Variants in NBR1 observed in about 807,000 individuals in gnomAD.
NBR1 encodes the protein NBR1 autophagy cargo receptor.
A neutral mutation model predicts 115.5 loss-of-function variants in NBR1; 59 were observed. The observed-to-expected ratio is 0.51, with a 90% CI of 0.41 to 0.63. The LOEUF (loss-of-function observed/expected upper bound fraction) is 0.63. Among genes scored for constraint, NBR1 ranks in the 30% least tolerant of loss-of-function variants. The pLI, the probability that NBR1 is intolerant of heterozygous loss-of-function variation, is 0.00. For synonymous variants in NBR1, 373 were observed against 414.7 expected (o/e 0.90, Z 1.22); for missense variants, 1,043 against 1,150.5 (o/e 0.91, Z 1.35).
intron 20 of NBR1, among the ~76,000 whole-genome samples, chr17:43,209,011 G>A (rs1213249636): frequency 6.6e-6 from 1 of 151,328 alleles, no homozygotes; most frequent in Non-Finnish European, 1.5e-5. Flanking sequence ...AGCGTTTAAG[G>A]ATTTAGGAAG....
chr17:43,210,144 A>G lies in NBR1; in HGVS notation c.*70A>G. On this transcript the variant is annotated 3_prime_UTR_variant, in exon 21 of 21. Coordinates refer to ENST00000590996, the MANE Select transcript of NBR1 (RefSeq NM_005899.5). ...CTTTATTCTGTCATTGGGGTATGGG[A>G]TAGAAGCCCTTGCTTATTTTTAATC... 4 of 1,441,382 alleles carry G rather than the reference A, an allele frequency of 2.8e-6. No individual in the cohort carries two copies. The highest frequency in any genetic ancestry group is 2.1e-4 in the Middle Eastern group (1 of 4,838). The allele number at this position is 1,441,382 out of a possible 1,614,324, so 89.3% of individuals were successfully genotyped here.
In NBR1 at chr17:43,189,135, C is replaced by T. The variant is rs753511716; in HGVS notation, c.480+16C>T. ...CCTGGAGACGGTGAGTGTTCTGTCT[C>T]GCTTGGGTTTTAACTGCGGTGTTGG... On this transcript the variant is annotated intron_variant, in intron 7 of 20. Transcript: ENST00000590996. The T allele has an allele frequency of 2.2e-5, 35 of 1,587,322 alleles. No homozygotes were observed. The highest frequency in any genetic ancestry group is 2.6e-5 in the Non-Finnish European group (30 of 1,155,838).
chr17:43,188,896 C>T (rs1355143332), intron 6 of NBR1, 146 bp from the exon 7 acceptor site: 4 of 578,440 alleles, frequency 6.9e-6, no homozygotes, highest in East Asian at 2.8e-5. Flanking sequence ...CTTTGTTTTC[C>T]TTTAGTACGC....
chr17:43,196,382 C>T lies in NBR1; in HGVS notation c.1751-99C>T, dbSNP rs972453431. 63 of 696,690 alleles carry T rather than the reference C, an allele frequency of 9.0e-5. 2 individuals carry two copies. Among genetic ancestry groups the T allele is most frequent in the East Asian group, 5.5e-4 (17 of 31,100 alleles). The allele number at this position is 696,690 out of a possible 1,614,324, so 43.2% of individuals were successfully genotyped here. A position where few individuals can be genotyped will look rare whatever the true frequency, so the allele number is the denominator to read the frequency against. Reference sequence around the variant, plus strand: ...CATATCTTGGTTTATTTTAGCCCTGCGGGAGGCAAGAAGCCTACAAACTGC... The same window carrying T: ...CATATCTTGGTTTATTTTAGCCCTGTGGGAGGCAAGAAGCCTACAAACTGC... On this transcript the variant is annotated intron_variant, in intron 14 of 20. Coordinates refer to ENST00000590996, the MANE Select transcript of NBR1 (RefSeq NM_005899.5).
In NBR1 at chr17:43,200,324, C is replaced by T. The variant is rs1323643976; in HGVS notation, c.2184C>T (p.Ser728=). ...KDEVQSQSSA[S]SEDYIIILPE... ...AAGTTCAAAGTCAGTCCTCTGCTTC[C>T]TCAGAGGATTACATCATCATCCTGC... The change falls in exon 17 of 21, where the codon TCC becomes TCT. Residue 728 remains serine (S), a synonymous_variant. Transcript: ENST00000590996. 1 of 1,552,658 alleles carries T rather than the reference C, an allele frequency of 6.4e-7. No homozygotes were observed. The highest frequency in any genetic ancestry group is 1.2e-5 in the South Asian group (1 of 84,120).
chr17:43,192,186 A>G (rs1289093526), intron 10 of NBR1, among the ~76,000 whole-genome samples: 10 of 148,074 alleles, frequency 6.8e-5, no homozygotes, highest in Non-Finnish European at 1.3e-4. Flanking sequence ...ATGCCCGGCT[A>G]ATTTTTGTAT....
chr17:43,175,016 G>A (rs561358844), intron 1 of NBR1, among the ~76,000 whole-genome samples: 7 of 151,800 alleles, frequency 4.6e-5, no homozygotes, highest in African/African-American at 1.4e-4. Flanking sequence ...GGAGAATGGC[G>A]TGAACCCAGG....
intron 1 of NBR1, among the ~76,000 whole-genome samples, chr17:43,172,967 G>A (rs1215089585): frequency 1.3e-5 from 2 of 150,328 alleles, no homozygotes; most frequent in African/African-American, 4.9e-5. Flanking sequence ...CTGGAACTAC[G>A]GGCGCCCACC....
At chr17:43,195,494 A>G (rs2057044943) in intron 14 of NBR1, 2 of 187,598 alleles carry the variant, frequency 1.1e-5, no homozygotes, top group Non-Finnish European at 2.2e-5. Context: ...TCTACTAAAA[A>G]TACAAAATTA....
At chr17:43,205,058 A>G (rs763488842) in intron 20 of NBR1, among the ~76,000 whole-genome samples, 13 of 152,096 alleles carry the variant, frequency 8.5e-5, no homozygotes, top group Non-Finnish European at 1.8e-4. Context: ...TAAAGTACAT[A>G]GTAAGATACT....
chr17:43,209,500 A>T, intron 20 of NBR1: 1 of 1,363,354 alleles, frequency 7.3e-7, no homozygotes. Context: ...ATCTTTCAGT[A>T]ACACTTTTAT....
At chr17:43,186,219 C>A in intron 5 of NBR1, 31 bp from the exon 6 acceptor site, 1 of 1,526,068 alleles carries the variant, frequency 6.6e-7, no homozygotes, top group African/African-American at 1.4e-5. Flanking sequence ...AATCACGTCG[C>A]ATGTTTTTGT....
Position 43,201,765 on chromosome 17 carries a change from G to C in NBR1, c.2548G>C (p.Asp850His). ...VTIPEVSSVP[D>H]QIRGEPRGSS... ...CATACCAGAAGTTTCTTCAGTCCCTGATCAGATCAGAGGAGGTAATGATCA... is the reference window on the plus strand; with the variant it reads ...CATACCAGAAGTTTCTTCAGTCCCTCATCAGATCAGAGGAGGTAATGATCA... The change falls in exon 18 of 21, where the codon GAT (aspartate) becomes CAT (histidine). Residue 850 changes from aspartate to histidine, a missense_variant. Transcript: ENST00000590996. The C allele has an allele frequency of 6.3e-7, 1 of 1,586,970 alleles. No individual in the cohort carries two copies. The highest frequency in any genetic ancestry group is 1.1e-5 in the South Asian group (1 of 90,362).
At chr17:43,201,611 G>C (rs2057198524) in intron 17 of NBR1, 75 bp from the exon 18 acceptor site, 2 of 850,884 alleles carry the variant, frequency 2.4e-6, no homozygotes, top group Admixed American at 3.8e-5. Context: ...GCACTGCTGT[G>C]CTGTGTTTAC....
At chr17:43,187,475 C>T (rs1456065019) in intron 6 of NBR1, among the ~76,000 whole-genome samples, 6 of 149,710 alleles carry the variant, frequency 4.0e-5, no homozygotes, top group African/African-American at 9.8e-5. Context: ...CCACCGCGCC[C>T]GGCCTCCAAC....
intron 20 of NBR1, among the ~76,000 whole-genome samples, chr17:43,205,877 C>CAAAA (rs71361507): frequency 0.024 from 1,395 of 58,244 alleles, 64 homozygotes; most frequent in East Asian, 0.17. Flanking sequence ...GACCATGTCT[C>CAAAA]AAAAAAAAAA....
At chr17:43,194,541 A>AGCC (rs1251850860) in intron 13 of NBR1, 42 bp downstream of exon 13, 24 of 1,607,056 alleles carry the variant, frequency 1.5e-5, no homozygotes, top group Middle Eastern at 1.8e-4. Flanking sequence ...ACAGAGGGAG[A>AGCC]GAGCACAGGA....
chr17:43,209,293 G>A (rs1374770460), intron 20 of NBR1, among the ~76,000 whole-genome samples: 1 of 151,884 alleles, frequency 6.6e-6, no homozygotes, highest in Non-Finnish European at 1.5e-5. Flanking sequence ...AGCCAGGATG[G>A]TCTCAATCTC....
intron 4 of NBR1, among the ~76,000 whole-genome samples, 152 bp downstream of exon 4, chr17:43,179,564 A>G (rs1166097860): frequency 6.6e-6 from 1 of 152,194 alleles, no homozygotes; most frequent in African/African-American, 2.4e-5. Context: ...TTTATTGTAT[A>G]GCAGTTTTTT....
Sources: gnomAD v4.1 joint callset for allele counts (sites outside exome capture counted in the v4.1 genomes callset) on GRCh38, gnomAD v4.1.1 for gene constraint, MANE v1.5 for transcripts, NCBI Gene and HGNC (gene_info 2026-07-23, HGNC 2026-07-21) for gene names.